CLEC4A: variants seen among roughly 807,000 people sequenced by gnomAD.
CLEC4A encodes C-type (calcium dependent, carbohydrate-recognition domain) lectin, superfamily member 6.
Under a neutral mutation model 32.7 loss-of-function variants are expected in CLEC4A, and 27 were observed. That is an observed-to-expected ratio of 0.83 (90% CI 0.61 to 1.14). The LOEUF (loss-of-function observed/expected upper bound fraction) is 1.14, where lower values mean the gene tolerates loss of function less well. Ranked by LOEUF, CLEC4A falls within the 50% of genes most tolerant of loss-of-function variation. CLEC4A has a pLI of 0.00. For synonymous variants in CLEC4A, 89 were observed against 93.7 expected, an observed-to-expected ratio of 0.95 and a Z score of 0.29; for missense variants, 253 against 274.6, an observed-to-expected ratio of 0.92 and a Z score of 0.55.
chr12:8,120,140 G>A (rs1241838284), upstream of CLEC4A, among the ~76,000 whole-genome samples: 7 of 152,128 alleles, frequency 4.6e-5, no homozygotes, highest in Admixed American at 3.9e-4. Flanking sequence ...GAGCTTCAGT[G>A]CCCAGAGTTT....
chr12:8,129,519 A>G (rs558374615), intron 3 of CLEC4A, among the ~76,000 whole-genome samples, 157 bp downstream of exon 3: 2 of 152,218 alleles, frequency 1.3e-5, no homozygotes, highest in Non-Finnish European at 2.9e-5. Flanking sequence ...CATGCTGGGC[A>G]TGGTGGCTCA....
intron 3 of CLEC4A, among the ~76,000 whole-genome samples, chr12:8,130,346 A>C (rs1257656614): frequency 6.6e-6 from 1 of 151,846 alleles, no homozygotes; most frequent in Non-Finnish European, 1.5e-5. Context: ...GAATTATTTA[A>C]ATTATTTAAA....
chr12:8,129,136 C>G, intron 2 of CLEC4A, 128 bp from the exon 3 acceptor site: 1 of 604,092 alleles, frequency 1.7e-6, no homozygotes, highest in Non-Finnish European at 2.9e-6. Context: ...TATGGGAAAT[C>G]TTTTCCCTCT....
the CLEC4A span, among the ~76,000 whole-genome samples, chr12:8,105,356 T>C: frequency 1.3e-5 from 2 of 151,882 alleles, no homozygotes; most frequent in South Asian, 2.1e-4. Context: ...CTTTTCTTTT[T>C]TTTTTTTTTT....
upstream of CLEC4A, among the ~76,000 whole-genome samples, chr12:8,120,068 T>C (rs1947818733): frequency 6.6e-6 from 1 of 152,230 alleles, no homozygotes; most frequent in Non-Finnish European, 1.5e-5. Context: ...ATTGACCCCA[T>C]TGATATATCA....
At position 8,136,799 on chromosome 12, in the gene CLEC4A, C is replaced by T. The variant is rs1015524617; in HGVS notation, c.462C>T (p.Phe154=). The T allele has an allele frequency of 7.5e-6, 12 of 1,609,298 alleles. No individual in the cohort carries two copies. Among genetic ancestry groups the T allele is most frequent in the Non-Finnish European group, 9.4e-6 (11 of 1,175,972 alleles). Residue 154 remains phenylalanine (F), a synonymous_variant, in exon 5 of 6, where the codon TTC becomes TTT. Transcript: ENST00000229332. ...TTTTCCCCCCTCAGGATTTCATCTT[C>T]CAGAATCTGCAAGAAGAATCTGCTT... The part of the protein sequence containing the change: ...INTQEEQDFI[F]QNLQEESAYF...
intron 1 of CLEC4A, among the ~76,000 whole-genome samples, chr12:8,124,438 G>C (rs1225896798): frequency 6.6e-6 from 1 of 152,162 alleles, no homozygotes; most frequent in East Asian, 1.9e-4. Context: ...TGTAACAAAA[G>C]GCCTTTGCAA....
In CLEC4A at chr12:8,129,250, A is replaced by G. The variant is rs374593576; in HGVS notation, c.200-14A>G. 1.3e-6 allele frequency: 2 copies of G among 1,498,104 alleles called. No homozygotes were observed. Among genetic ancestry groups the G allele is most frequent in the African/African-American group, 2.8e-5 (2 of 71,662 alleles). The allele number at this position is 1,498,104 out of a possible 1,614,324, so 92.8% of individuals were successfully genotyped here. A position where few individuals can be genotyped will look rare whatever the true frequency, so the allele number is the denominator to read the frequency against. ...GCTACCAGGAAAATAAATGGTCTTT[A>G]TTCTCTTTTCCAGTTTTCTTTCAAA... On this transcript the variant is annotated splice_polypyrimidine_tract_variant and intron_variant, in intron 2 of 5. Transcript: ENST00000229332.
rs1485168659 is a variant in CLEC4A, at chr12:8,129,263, G to A, written c.200-1G>A. The A allele has an allele frequency of 1.3e-6, 2 of 1,573,422 alleles. No individual in the cohort carries two copies. Among genetic ancestry groups the A allele is most frequent in the Non-Finnish European group, 1.7e-6 (2 of 1,150,042 alleles). On this transcript the variant is annotated splice_acceptor_variant, in intron 2 of 5. Transcript: ENST00000229332. LOFTEE classifies it high-confidence loss of function. Reference sequence around the variant, plus strand: ...TAAATGGTCTTTATTCTCTTTTCCAGTTTTCTTTCAAAAATATTCTCAGCT... The same window carrying A: ...TAAATGGTCTTTATTCTCTTTTCCAATTTTCTTTCAAAAATATTCTCAGCT...
intron 5 of CLEC4A, among the ~76,000 whole-genome samples, 161 bp downstream of exon 5, chr12:8,137,064 C>T (rs1383329781): frequency 1.3e-5 from 2 of 152,070 alleles, no homozygotes; most frequent in East Asian, 3.8e-4. Flanking sequence ...GCGCAAGAAC[C>T]CTATGAGGCA....
the CLEC4A span, among the ~76,000 whole-genome samples, chr12:8,111,413 C>G: frequency 6.6e-6 from 1 of 151,934 alleles, no homozygotes; most frequent in Non-Finnish European, 1.5e-5. Flanking sequence ...CTCCTGACCT[C>G]AGATGGTCCA....
the CLEC4A span, among the ~76,000 whole-genome samples, chr12:8,110,621 G>A: frequency 2.0e-5 from 3 of 152,010 alleles, no homozygotes; most frequent in African/African-American, 7.2e-5. Context: ...AGTGTATAAC[G>A]GGGTCTTGTG....
At chr12:8,130,448 C>T (rs1396704766) in intron 3 of CLEC4A, among the ~76,000 whole-genome samples, 1 of 152,204 alleles carries the variant, frequency 6.6e-6, no homozygotes, top group Non-Finnish European at 1.5e-5. Context: ...CCACAGCTCA[C>T]AGTAGCCTTG....
the CLEC4A span, among the ~76,000 whole-genome samples, chr12:8,108,343 C>T: frequency 6.6e-6 from 1 of 152,208 alleles, no homozygotes; most frequent in South Asian, 2.1e-4. Flanking sequence ...GTTGCTGATA[C>T]ATTTGGTAGT....
At chr12:8,133,744 T>C (rs1432896965) in intron 3 of CLEC4A, 9 of 1,586,480 alleles carry the variant, frequency 5.7e-6, no homozygotes, top group Admixed American at 1.8e-5. Context: ...CCTCCCCCTG[T>C]CCCCCATTCC....
chr12:8,134,993 TTTAATCA>T lies in CLEC4A; in HGVS notation c.299-590_299-584del, dbSNP rs1565406362. 7.7e-4 allele frequency: 186 copies of T among 241,716 alleles called. 11 individuals are homozygous for T. The highest frequency in any genetic ancestry group is 2.9e-3 in the Middle Eastern group (2 of 678). 15.0% of individuals were successfully genotyped at this position (241,716 alleles called of 1,614,324 possible). ...GAAGCGTTTTTGTTTTTTGTTTTTT[TTTAATCA>T]TGGCTGCTTTTAAATCTTTGTCAGA... On this transcript the variant is annotated intron_variant, in intron 3 of 5. Coordinates refer to ENST00000229332, the MANE Select transcript of CLEC4A (RefSeq NM_016184.4).
At chr12:8,105,276 G>A in the CLEC4A span, among the ~76,000 whole-genome samples, 5 of 151,908 alleles carry the variant, frequency 3.3e-5, no homozygotes, top group East Asian at 9.7e-4. Flanking sequence ...ATTCTGACTG[G>A]TGTGAGATGG....
At chr12:8,135,936 T>C (rs1591612841) in intron 4 of CLEC4A, among the ~76,000 whole-genome samples, 200 bp downstream of exon 4, 1 of 152,282 alleles carries the variant, frequency 6.6e-6, no homozygotes, top group East Asian at 1.9e-4. Context: ...CCGGAAGAAA[T>C]TGTGACATTA....
intron 4 of CLEC4A, among the ~76,000 whole-genome samples, chr12:8,136,192 A>G (rs191463464): frequency 1.8e-4 from 27 of 152,336 alleles, no homozygotes; most frequent in Admixed American, 3.3e-4. Context: ...CTCATGTACA[A>G]CTTTGAAGAA....
Sources: gnomAD v4.1 joint callset for allele counts (sites outside exome capture counted in the v4.1 genomes callset) on GRCh38, gnomAD v4.1.1 for gene constraint, MANE v1.5 for transcripts, NCBI Gene and HGNC (gene_info 2026-07-23, HGNC 2026-07-21) for gene names.